The following TF variants were observed in gnomAD, a reference collection of about 807,000 sequenced individuals.
TF encodes the protein serotransferrin.
In TF, 55 loss-of-function variants were observed where a neutral mutation model predicts 82.4. The observed-to-expected ratio is 0.67, with a 90% CI of 0.54 to 0.84. The LOEUF (loss-of-function observed/expected upper bound fraction) is 0.84. Ranked by LOEUF, TF falls within the 40% of genes least tolerant of loss-of-function variation. TF has a pLI of 0.00. For missense variants in TF, 737 were observed against 868.4 expected, an observed-to-expected ratio of 0.85 and a Z score of 1.90; for synonymous variants, 332 against 332.6, an observed-to-expected ratio of 1.00 and a Z score of 0.02.
chr3:133,674,506 T>A, the TF span, among the ~76,000 whole-genome samples: 1 of 152,222 alleles, frequency 6.6e-6, no homozygotes, highest in Non-Finnish European at 1.5e-5. Context: ...TCAGCCCTGG[T>A]GGGCGAACCT....
the TF span, among the ~76,000 whole-genome samples, chr3:133,678,551 T>C: frequency 6.6e-6 from 1 of 152,246 alleles, no homozygotes; most frequent in South Asian, 2.1e-4. Flanking sequence ...ATTATTGCCG[T>C]TCTAACTGGC....
chr3:133,732,370 G>A, the TF span, among the ~76,000 whole-genome samples: 36 of 152,176 alleles, frequency 2.4e-4, no homozygotes, highest in African/African-American at 6.3e-4. Flanking sequence ...CTGTCAAAAC[G>A]GACCAATCAG....
In TF at chr3:133,786,231, A is replaced by AAAAAC. The variant is rs1288769305; in HGVS notation, c.*7615_*7616insCAAAA. ...CAATAAAAAAATAAATTAAAAAAAA[A>AAAAAC]AAAAAAAAACAATACTATTTTTTGA... On this transcript the variant is annotated 3_prime_UTR_variant, in exon 17 of 17. Coordinates refer to ENST00000402696, the MANE Select transcript of TF (RefSeq NM_001063.4). 2.0e-5 allele frequency: 3 copies of AAAAAC among 150,970 alleles called. No individual in the cohort carries two copies. Among genetic ancestry groups the AAAAAC allele is most frequent in the Non-Finnish European group, 2.9e-5 (2 of 67,844 alleles). The allele number at this position is 150,970 out of a possible 1,614,324, so 9.4% of individuals were successfully genotyped here.
At chr3:133,761,494 A>AAAAAAAT (rs1470707308) in intron 9 of TF, 91 of 152,274 alleles carry the variant, frequency 6.0e-4, no homozygotes, top group African/African-American at 2.1e-3. Context: ...ACACCATCTC[A>AAAAAAAT]AAAAAATAAA....
the TF span, among the ~76,000 whole-genome samples, chr3:133,663,097 A>T: frequency 6.6e-6 from 1 of 152,130 alleles, no homozygotes; most frequent in Non-Finnish European, 1.5e-5. Context: ...TCTACCATCC[A>T]AGGTGATGTC....
At chr3:133,750,587 G>A (rs7628717) in intron 2 of TF, among the ~76,000 whole-genome samples, 4,550 of 151,952 alleles carry the variant, frequency 0.03, 226 homozygotes, top group African/African-American at 0.1. Context: ...CCCAGCTGGC[G>A]CAGGTTCCCC....
the TF span, among the ~76,000 whole-genome samples, chr3:133,740,134 G>A: frequency 2.6e-5 from 4 of 152,086 alleles, no homozygotes; most frequent in African/African-American, 9.7e-5. Flanking sequence ...ACATATACAC[G>A]ATGGAATACT....
the TF span, among the ~76,000 whole-genome samples, chr3:133,683,270 C>T: frequency 2.8e-4 from 42 of 152,270 alleles, no homozygotes; most frequent in Middle Eastern, 3.4e-3. Flanking sequence ...TAAAGACCAT[C>T]AAAGCTAGGA....
At chr3:133,758,032 C>A in intron 8 of TF, 86 bp downstream of exon 8, 3 of 1,293,590 alleles carry the variant, frequency 2.3e-6, no homozygotes, top group Non-Finnish European at 2.2e-6. Flanking sequence ...TTTTCAGGGA[C>A]CTGCACGCCT....
At chr3:133,752,361 G>C (rs1933698634) in intron 2 of TF, among the ~76,000 whole-genome samples, 1 of 152,116 alleles carries the variant, frequency 6.6e-6, no homozygotes, top group Non-Finnish European at 1.5e-5. Flanking sequence ...GCTTCCCAAA[G>C]TGCTGGAAGT....
chr3:133,678,930 T>C, the TF span, among the ~76,000 whole-genome samples: 1 of 152,120 alleles, frequency 6.6e-6, no homozygotes. Context: ...TGGAGTGCAG[T>C]GACATGATCT....
In TF at chr3:133,783,460, T is replaced by C. The variant is rs1347147777; in HGVS notation, c.*4840T>C. 6.6e-5 allele frequency: 10 copies of C among 152,174 alleles called. No homozygotes were observed. Among genetic ancestry groups the C allele is most frequent in the Admixed American group, 6.5e-4 (10 of 15,270 alleles). The allele number at this position is 152,174 out of a possible 1,614,324, so 9.4% of individuals were successfully genotyped here. The stretch of plus-strand genomic sequence containing the variant: ...GGTTAAAGTAAAAACTTTCGAAACG[T>C]ATAAAGGTTTAAATATAAAATTAAA... On this transcript the variant is annotated 3_prime_UTR_variant, in exon 17 of 17. Transcript: ENST00000402696.
chr3:133,747,507 A>G (rs1329451987), intron 1 of TF, among the ~76,000 whole-genome samples: 1 of 152,218 alleles, frequency 6.6e-6, no homozygotes, highest in South Asian at 2.1e-4. Flanking sequence ...AGAGCCAGTG[A>G]GTCAGCCTTG....
rs907429068 is a variant in TF at position 133,795,458 on chromosome 3, T to C, written c.*16838T>C. On this transcript the variant is annotated 3_prime_UTR_variant, in exon 17 of 17. Transcript: ENST00000402696. The stretch of plus-strand genomic sequence containing the variant: ...CCATGAGGACACTGTAACCTACGAA[T>C]GATGTGCTGAGTCCAAAAGCCCAAA... 3 of 151,962 alleles carry C rather than the reference T, an allele frequency of 2.0e-5. No homozygotes were observed. Among genetic ancestry groups the C allele is most frequent in the Non-Finnish European group, 4.4e-5 (3 of 68,042 alleles). 9.4% of individuals were successfully genotyped at this position (151,962 alleles called of 1,614,324 possible). A position where few individuals can be genotyped will look rare whatever the true frequency, so the allele number is the denominator to read the frequency against.
chr3:133,771,743 C>CAAAA lies in TF; in HGVS notation c.1687+1191_1687+1194dup, dbSNP rs71136494. ...TGGGCGACAGAGCGAGACTCCGTCT[C>CAAAA]AAAAAAAAAAAAAAAAAAAAAAAGA... is the stretch of plus-strand genomic sequence containing the variant. On this transcript the variant is annotated intron_variant, in intron 14 of 16. Coordinates refer to ENST00000402696, the MANE Select transcript of TF (RefSeq NM_001063.4). Among the ~76,000 whole-genome samples the CAAAA allele has an allele frequency of 3.4e-4, 19 of 56,534 alleles. 1 individual carries two copies. Among genetic ancestry groups the CAAAA allele is most frequent in the African/African-American group, 4.0e-4 (4 of 9,972 alleles). 37.1% of individuals were successfully genotyped at this position (56,534 alleles called of 152,430 possible). A position where few individuals can be genotyped will look rare whatever the true frequency, so the allele number is the denominator to read the frequency against.
rs116668131 is a variant in TF at position 133,777,926 on chromosome 3, T to G, written c.2063-660T>G. 1,045 of 157,666 alleles carry G rather than the reference T, an allele frequency of 6.6e-3. 9 individuals are homozygous for G. Among genetic ancestry groups the G allele is most frequent in the Non-Finnish European group, 0.01 (740 of 71,222 alleles). The allele number at this position is 157,666 out of a possible 1,614,324, so 9.8% of individuals were successfully genotyped here. ...TTGGAAGCTGGGGAATAACATGTGG[T>G]GTAGGGCAGTTAGTCTTTCCACAGG... On this transcript the variant is annotated intron_variant, in intron 16 of 16. Coordinates refer to ENST00000402696, the MANE Select transcript of TF (RefSeq NM_001063.4).
chr3:133,693,194 A>G, the TF span, among the ~76,000 whole-genome samples: 24 of 152,306 alleles, frequency 1.6e-4, no homozygotes, highest in African/African-American at 5.5e-4. Context: ...GACAAGGGCC[A>G]TCACTGAGGC....
At position 133,787,899 on chromosome 3, in the gene TF, TAA is replaced by T. The variant is rs1439357959; in HGVS notation, c.*9283_*9284del. On this transcript the variant is annotated 3_prime_UTR_variant, in exon 17 of 17. Coordinates refer to ENST00000402696, the MANE Select transcript of TF (RefSeq NM_001063.4). The stretch of plus-strand genomic sequence containing the variant: ...TTTGTACACTTTGTGTTAACGTTTA[TAA>T]AAAGACTATCTTCTGAAAACGACTT... 2.0e-5 allele frequency: 3 copies of T among 152,220 alleles called. No homozygotes were observed. Among genetic ancestry groups the T allele is most frequent in the Non-Finnish European group, 4.4e-5 (3 of 68,040 alleles). The allele number at this position is 152,220 out of a possible 1,614,324, so 9.4% of individuals were successfully genotyped here. A position where few individuals can be genotyped will look rare whatever the true frequency, so the allele number is the denominator to read the frequency against.
intron 8 of TF, 120 bp downstream of exon 8, chr3:133,758,066 C>A: frequency 2.1e-6 from 2 of 936,926 alleles, no homozygotes; most frequent in Non-Finnish European, 3.3e-6. Context: ...TTTTTCTGAC[C>A]TGTCTGTGAG....
Sources: allele counts gnomAD v4.1 joint callset (sites outside exome capture counted in the v4.1 genomes callset), GRCh38; gene constraint gnomAD v4.1.1; transcripts MANE v1.5; gene names NCBI Gene and HGNC (gene_info 2026-07-23, HGNC 2026-07-21).